Variants in PALM observed in about 807,000 individuals in gnomAD.
PALM encodes the protein paralemmin.
Under a neutral mutation model 30.7 loss-of-function variants are expected in PALM, and 18 were observed. That is an observed-to-expected ratio of 0.59 (90% CI 0.41 to 0.87). The LOEUF (loss-of-function observed/expected upper bound fraction) is 0.87. Among genes scored for constraint, PALM ranks in the 40% least tolerant of loss-of-function variants. PALM has a pLI of 0.00. For synonymous variants in PALM, 286 were observed against 242.8 expected (o/e 1.18, Z -1.66); for missense variants, 529 against 555.4 (o/e 0.95, Z 0.48).
At chr19:728,891 C>G (rs2032778787) in intron 4 of PALM, among the ~76,000 whole-genome samples, 1 of 152,110 alleles carries the variant, frequency 6.6e-6, no homozygotes, top group South Asian at 2.1e-4. Flanking sequence ...GTAGTCCCAG[C>G]TACTCATGAG....
At chr19:710,113 G>A (rs1472556895) in intron 1 of PALM, among the ~76,000 whole-genome samples, 1 of 152,012 alleles carries the variant, frequency 6.6e-6, no homozygotes, top group Non-Finnish European at 1.5e-5. Flanking sequence ...GCTGAGGCCC[G>A]GGTCCCCACC....
At chr19:722,000 G>A (rs972898758) in intron 1 of PALM, among the ~76,000 whole-genome samples, 24 of 151,626 alleles carry the variant, frequency 1.6e-4, no homozygotes, top group Non-Finnish European at 2.9e-4. Context: ...CTCACTGCAA[G>A]CTCCGCCTTC....
In PALM at chr19:742,959, C is replaced by T. The variant is rs1599169083; in HGVS notation, c.634+2476C>T. ...GTCCTGAGGCGACTGTGTGGAGCTC[C>T]GTGAGGACCTGCTGTTTTCCACGGA... On this transcript the variant is annotated intron_variant, in intron 8 of 8. Transcript: ENST00000338448. The surrounding 1 kb of genome is among the most constrained non-coding windows in gnomAD (Gnocchi z 5.5). Among the ~76,000 whole-genome samples, 2 of 152,020 alleles carry T rather than the reference C, an allele frequency of 1.3e-5. No homozygotes were observed. Among genetic ancestry groups the T allele is most frequent in the South Asian group, 2.1e-4 (1 of 4,814 alleles).
At chr19:731,355 A>G in intron 5 of PALM, 110 bp downstream of exon 5, 8 of 1,011,466 alleles carry the variant, frequency 7.9e-6, no homozygotes, top group Middle Eastern at 3.3e-4. Flanking sequence ...GGCACAGACT[A>G]GAGCCAGGCA....
At chr19:730,904 G>A (rs2032848449) in intron 4 of PALM, among the ~76,000 whole-genome samples, 191 bp from the exon 5 acceptor site, 1 of 152,114 alleles carries the variant, frequency 6.6e-6, no homozygotes, top group East Asian at 1.9e-4. Context: ...GAGACCCTGA[G>A]GCAGGAGGAT....
intron 1 of PALM, among the ~76,000 whole-genome samples, chr19:717,322 C>A (rs2032298168): frequency 6.6e-6 from 1 of 152,196 alleles, no homozygotes; most frequent in South Asian, 2.1e-4. Flanking sequence ...CCCCCTCCCC[C>A]CAGCCCTCGG....
chr19:736,274 C>A (rs375192233), intron 7 of PALM, 196 bp downstream of exon 7: 2 of 528,850 alleles, frequency 3.8e-6, no homozygotes, highest in African/African-American at 2.0e-5. Context: ...TGCTTTGTTG[C>A]CCTGGTCCCA....
At chr19:724,597 A>G (rs1455893200) in intron 1 of PALM, among the ~76,000 whole-genome samples, 1 of 150,638 alleles carries the variant, frequency 6.6e-6, no homozygotes, top group Non-Finnish European at 1.5e-5. Context: ...CTGGGATTAC[A>G]AGCGTGAGCC....
chr19:726,993 C>T lies in PALM; in HGVS notation c.58-15C>T, dbSNP rs1053107221. On this transcript the variant is annotated splice_polypyrimidine_tract_variant and intron_variant, in intron 2 of 8. Transcript: ENST00000338448. ...CCCCACGCCCATCCCTGACCCCACC[C>T]GGCCCTCCCCACAGGAGAAGCGGAA... 2.3e-5 allele frequency: 30 copies of T among 1,311,588 alleles called. No individual in the cohort carries two copies. The highest frequency in any genetic ancestry group is 1.5e-4 in the African/African-American group (10 of 68,056). The allele number at this position is 1,311,588 out of a possible 1,614,324, so 81.2% of individuals were successfully genotyped here.
rs762844424 is a variant in PALM, at chr19:727,040, C to T, written c.90C>T (p.Asn30=). The change falls in exon 3 of 9, where the codon AAC becomes AAT. Residue 30 remains asparagine, a synonymous_variant. Transcript: ENST00000338448. ...GGAAGCGGCAGGCGGAGATCGAGAA[C>T]AAGCGCCGGCAGCTGGAGGACGAGC... ...EKRKRQAEIE[N]KRRQLEDERR... 1 of 1,346,538 alleles carries T rather than the reference C, an allele frequency of 7.4e-7. No individual in the cohort carries two copies. The highest frequency in any genetic ancestry group is 2.2e-5 in the Admixed American group (1 of 44,892). The allele number at this position is 1,346,538 out of a possible 1,614,324, so 83.4% of individuals were successfully genotyped here.
At chr19:737,282 C>T (rs971758918) in intron 7 of PALM, among the ~76,000 whole-genome samples, 10 of 152,236 alleles carry the variant, frequency 6.6e-5, no homozygotes, top group African/African-American at 1.9e-4. Context: ...CCAGGTCCCC[C>T]GCTGATCCCC....
chr19:735,268 C>G (rs571242976), intron 6 of PALM, among the ~76,000 whole-genome samples: 1 of 91,302 alleles, frequency 1.1e-5, no homozygotes, highest in Non-Finnish European at 2.2e-5. Flanking sequence ...TTGGGTGTCT[C>G]GGTGGGGTCT....
intron 4 of PALM, among the ~76,000 whole-genome samples, chr19:728,834 T>G (rs1291570564): frequency 6.6e-6 from 1 of 151,828 alleles, no homozygotes; most frequent in Non-Finnish European, 1.5e-5. Flanking sequence ...AAACCCCGTC[T>G]CTACTAAAAA....
chr19:718,515 G>A (rs529250066), intron 1 of PALM, among the ~76,000 whole-genome samples: 191 of 152,284 alleles, frequency 1.3e-3, no homozygotes, highest in African/African-American at 4.5e-3. Flanking sequence ...TCACTGCCCC[G>A]TCTTCCCCTG....
In PALM at chr19:729,684, A is replaced by G. The variant is rs576251123; in HGVS notation, c.270-1411A>G. On this transcript the variant is annotated intron_variant, in intron 4 of 8. Coordinates refer to ENST00000338448, the MANE Select transcript of PALM (RefSeq NM_002579.3). ...ACCATGTTGGTTAGGCTGGTCTCGA[A>G]CTCCCAACCTCAGCTGATCCGCCCG... Among the ~76,000 whole-genome samples, 11 of 150,870 alleles carry G rather than the reference A, an allele frequency of 7.3e-5. No individual in the cohort carries two copies. In the East Asian group the frequency reaches 2.2e-3, roughly 30 times the overall value.
At chr19:723,926 C>T (rs554081122) in intron 1 of PALM, among the ~76,000 whole-genome samples, 45 of 151,886 alleles carry the variant, frequency 3.0e-4, no homozygotes, top group African/African-American at 1.1e-3. Context: ...GCACCTACTA[C>T]GTGCAGCTTT....
chr19:711,514 C>G (rs908730588), intron 1 of PALM, among the ~76,000 whole-genome samples: 1 of 152,194 alleles, frequency 6.6e-6, no homozygotes, highest in African/African-American at 2.4e-5. Flanking sequence ...GGGTCCTTAA[C>G]GCTCCTTCAC....
rs1010778160 is a variant in PALM at position 742,728 on chromosome 19, G to A, written c.634+2245G>A. On this transcript the variant is annotated intron_variant, in intron 8 of 8. Transcript: ENST00000338448. The surrounding 1 kb of genome is among the most constrained non-coding windows in gnomAD (Gnocchi z 5.5). ...GTGCATCGGCACTGTGGCCTGGGTC[G>A]GAGCCTGACTCCTTTTCATGGCTGA... 1.2e-4 allele frequency among the ~76,000 whole-genome samples: 19 copies of A among 152,108 alleles called. No homozygotes were observed. The highest frequency in any genetic ancestry group is 3.4e-4 in the African/African-American group (14 of 41,420).
Position 746,763 on chromosome 19 carries a change from C to G in PALM, c.1113C>G (p.Pro371=). The G allele has an allele frequency of 6.3e-7, 1 of 1,591,686 alleles. No homozygotes were observed. Among genetic ancestry groups the G allele is most frequent in the Non-Finnish European group, 8.5e-7 (1 of 1,173,546 alleles). ...GGCCCGAGGCCACCACCAGCGACCC[C>G]CAGGACCTCGACATGAAGAAGCACC... The part of the protein sequence containing the change: ...QAGPEATTSD[P]QDLDMKKHRC... Residue 371 remains proline, a synonymous_variant, in exon 9 of 9, where the codon CCC becomes CCG. Coordinates refer to ENST00000338448, the MANE Select transcript of PALM (RefSeq NM_002579.3). This position sits in a 1 kb window ranked among gnomAD's most constrained non-coding sequence, Gnocchi z 7.1.
Sources: allele counts gnomAD v4.1 joint callset (sites outside exome capture counted in the v4.1 genomes callset), GRCh38; gene constraint gnomAD v4.1.1; non-coding constraint Gnocchi (gnomAD v3.1); transcripts MANE v1.5; gene names NCBI Gene and HGNC (gene_info 2026-07-23, HGNC 2026-07-21).